AUTS2: variants seen among roughly 807,000 people sequenced by gnomAD.
AUTS2 encodes autism susceptibility gene 2 protein.
AUTS2 carries 17 observed loss-of-function variants against 112.4 expected under a neutral mutation model. The observed-to-expected ratio is 0.15, with a 90% CI of 0.10 to 0.23. The LOEUF is 0.23. AUTS2 is among the 10% of genes least tolerant of loss of function. AUTS2 has a pLI of 1.00. For missense variants in AUTS2, 1,510 were observed against 1,701.6 expected (o/e 0.89, Z 1.98); for synonymous variants, 751 against 702.7 (o/e 1.07, Z -1.09).
intron 4 of AUTS2, among the ~76,000 whole-genome samples, chr7:70,220,905 TG>T (rs1348562513): frequency 6.6e-6 from 1 of 152,156 alleles, no homozygotes; most frequent in Non-Finnish European, 1.5e-5. Flanking sequence ...ATTACTATTT[TG>T]CTATACTGTT....
In AUTS2 at chr7:69,978,859, AACACACACACACAC is replaced by A. The variant is rs71068004; in HGVS notation, c.522+79390_522+79403del. On this transcript the variant is annotated intron_variant, in intron 2 of 18. Coordinates refer to ENST00000342771, the MANE Select transcript of AUTS2 (RefSeq NM_015570.4). ...AAGACCCTGTCTGTCTCAAAGAAACAACACACACACACACACACACACACACACACACACACACA... is the reference window on the plus strand; with the variant it reads ...AAGACCCTGTCTGTCTCAAAGAAACAACACACACACACACACACACACACA... Among the ~76,000 whole-genome samples, 873 of 129,714 alleles carry A rather than the reference AACACACACACACAC, an allele frequency of 6.7e-3. 17 individuals are homozygous for A. The highest frequency in any genetic ancestry group is 0.023 in the African/African-American group (796 of 33,944). The allele number at this position is 129,714 out of a possible 152,430, so 85.1% of individuals were successfully genotyped here. A position where few individuals can be genotyped will look rare whatever the true frequency, so the allele number is the denominator to read the frequency against.
chr7:70,627,993 C>T (rs781286370), intron 5 of AUTS2, among the ~76,000 whole-genome samples: 1 of 152,130 alleles, frequency 6.6e-6, no homozygotes, highest in East Asian at 1.9e-4. Flanking sequence ...ACTCTTTCCC[C>T]GTCTTTCACC....
At chr7:69,827,390 G>T (rs1185355335) in intron 1 of AUTS2, among the ~76,000 whole-genome samples, 1 of 151,964 alleles carries the variant, frequency 6.6e-6, no homozygotes, top group African/African-American at 2.4e-5. Flanking sequence ...CTCCATCCAG[G>T]ATGCACTTAT....
At chr7:70,115,132 A>G (rs1199068149) in intron 2 of AUTS2, among the ~76,000 whole-genome samples, 1 of 152,170 alleles carries the variant, frequency 6.6e-6, no homozygotes, top group Non-Finnish European at 1.5e-5. Flanking sequence ...ACATTTAGTC[A>G]GATAATTTAC....
chr7:70,505,463 A>G (rs953599010), intron 5 of AUTS2, among the ~76,000 whole-genome samples: 1 of 152,272 alleles, frequency 6.6e-6, no homozygotes, highest in South Asian at 2.1e-4. Flanking sequence ...GACTTGATGT[A>G]TTGCTCCCAT....
chr7:69,808,251 G>A (rs538118550), intron 1 of AUTS2, among the ~76,000 whole-genome samples: 56 of 152,286 alleles, frequency 3.7e-4, no homozygotes, highest in Non-Finnish European at 1.3e-4. Context: ...GAAGGGAGGA[G>A]CATTAAATTG....
intron 4 of AUTS2, among the ~76,000 whole-genome samples, chr7:70,165,012 G>T (rs887310343): frequency 4.6e-5 from 7 of 152,104 alleles, no homozygotes; most frequent in Non-Finnish European, 1.0e-4. Flanking sequence ...TTTTAGTAGA[G>T]TGATGGAATC....
chr7:70,751,306 G>A (rs532441881), intron 6 of AUTS2, among the ~76,000 whole-genome samples: 2 of 152,290 alleles, frequency 1.3e-5, no homozygotes, highest in South Asian at 2.1e-4. Context: ...TGAGCCTCGC[G>A]GCTTTGCCTT....
At chr7:70,397,236 T>C (rs888738128) in intron 4 of AUTS2, among the ~76,000 whole-genome samples, 7 of 152,102 alleles carry the variant, frequency 4.6e-5, no homozygotes, top group African/African-American at 1.7e-4. Context: ...GCTAATTTTT[T>C]GTATTTTTAG....
chr7:70,396,439 C>T (rs569846549), intron 4 of AUTS2, among the ~76,000 whole-genome samples: 215 of 151,688 alleles, frequency 1.4e-3, no homozygotes, highest in Middle Eastern at 3.4e-3. Context: ...TACAGTGGCA[C>T]GATCTCAGCT....
chr7:69,705,771 G>T (rs1486399265), intron 1 of AUTS2, among the ~76,000 whole-genome samples: 4 of 152,164 alleles, frequency 2.6e-5, no homozygotes, highest in African/African-American at 4.8e-5. Context: ...AGCTCTGGAG[G>T]CTAGAAGGCT....
intron 2 of AUTS2, among the ~76,000 whole-genome samples, chr7:69,952,711 C>T (rs190967631): frequency 5.3e-5 from 8 of 152,256 alleles, no homozygotes; most frequent in Admixed American, 5.2e-4. Context: ...ACCCAAGGGA[C>T]ACAACAGGCA....
chr7:70,683,196 TA>T (rs1161506612), intron 5 of AUTS2, among the ~76,000 whole-genome samples: 1 of 152,258 alleles, frequency 6.6e-6, no homozygotes, highest in Non-Finnish European at 1.5e-5. Context: ...GCTCTGTTGT[TA>T]GCCATATGGG....
At chr7:70,472,668 T>C (rs1160260859) in intron 5 of AUTS2, among the ~76,000 whole-genome samples, 1 of 152,202 alleles carries the variant, frequency 6.6e-6, no homozygotes, top group Admixed American at 6.5e-5. Flanking sequence ...TCATAATCAA[T>C]ATTTCAACAC....
chr7:70,722,036 T>A (rs1213475260), intron 6 of AUTS2, among the ~76,000 whole-genome samples: 1 of 149,504 alleles, frequency 6.7e-6, no homozygotes, highest in African/African-American at 2.5e-5. Flanking sequence ...AATAGTGAGC[T>A]TTTTTTTTTC....
rs866070293 is a variant in AUTS2 at position 69,946,590 on chromosome 7, A to G, written c.522+47092A>G. Reference sequence around the variant, plus strand: ...CACACACACACACACACACACACACACACACACACACACACACGCACGCAC... The same window carrying G: ...CACACACACACACACACACACACACGCACACACACACACACACGCACGCAC... On this transcript the variant is annotated intron_variant, in intron 2 of 18. Coordinates refer to ENST00000342771, the MANE Select transcript of AUTS2 (RefSeq NM_015570.4). 3.0e-5 allele frequency among the ~76,000 whole-genome samples: 4 copies of G among 134,802 alleles called. No homozygotes were observed. In the South Asian group the frequency reaches 7.1e-4, roughly 24 times the overall value. 88.4% of individuals were successfully genotyped at this position (134,802 alleles called of 152,430 possible).
chr7:70,398,854 C>T (rs1334976977), intron 4 of AUTS2, among the ~76,000 whole-genome samples: 1 of 152,166 alleles, frequency 6.6e-6, no homozygotes, highest in Non-Finnish European at 1.5e-5. Flanking sequence ...CATATATAGC[C>T]ATTTTCCGTT....
chr7:70,473,995 A>G lies in AUTS2; in HGVS notation c.690+38214A>G, dbSNP rs577594580. Among the ~76,000 whole-genome samples the G allele has an allele frequency of 2.6e-4, 39 of 152,240 alleles. 1 individual carries two copies. Among genetic ancestry groups the G allele is most frequent in the African/African-American group, 9.1e-4 (38 of 41,552 alleles). Reference sequence around the variant, plus strand: ...GAGAGAGACTTCCCATGTGTTAAAAATCTGCTAAACTTTGCAGCCCCAACT... The same window carrying G: ...GAGAGAGACTTCCCATGTGTTAAAAGTCTGCTAAACTTTGCAGCCCCAACT... On this transcript the variant is annotated intron_variant, in intron 5 of 18. Transcript: ENST00000342771.
At chr7:69,627,527 T>TA (rs1794014430) in intron 1 of AUTS2, among the ~76,000 whole-genome samples, 1 of 151,326 alleles carries the variant, frequency 6.6e-6, no homozygotes, top group East Asian at 1.9e-4. Context: ...AAAAAAACAA[T>TA]AAAAAAACTC....
Sources: gnomAD v4.1 joint callset for allele counts (sites outside exome capture counted in the v4.1 genomes callset) on GRCh38, gnomAD v4.1.1 for gene constraint, MANE v1.5 for transcripts, NCBI Gene and HGNC (gene_info 2026-07-23, HGNC 2026-07-21) for gene names.